MN1: variants seen among roughly 807,000 people sequenced by gnomAD.
MN1 encodes transcriptional activator MN1.
MN1 carries 19 observed loss-of-function variants against 86.9 expected under a neutral mutation model. That is an observed-to-expected ratio of 0.22 (90% CI 0.15 to 0.32). The LOEUF (loss-of-function observed/expected upper bound fraction) is 0.32. MN1 is among the 10% of genes least tolerant of loss of function. The pLI is 1.00. For synonymous variants in MN1, 928 were observed against 849.6 expected, an observed-to-expected ratio of 1.09 and a Z score of -1.60; for missense variants, 1,841 against 1,862.0, an observed-to-expected ratio of 0.99 and a Z score of 0.21.
In MN1 at chr22:27,750,868, CAG is replaced by C. The variant is rs1761594669; in HGVS notation, c.*45_*46del. 6.7e-7 allele frequency: 1 copy of C among 1,487,616 alleles called. No individual in the cohort carries two copies. Among genetic ancestry groups the C allele is most frequent in the Non-Finnish European group, 9.1e-7 (1 of 1,099,390 alleles). 92.2% of individuals were successfully genotyped at this position (1,487,616 alleles called of 1,614,324 possible). A position where few individuals can be genotyped will look rare whatever the true frequency, so the allele number is the denominator to read the frequency against. ...TAAGGTTGAGGGGGAAGGAAACAGACAGGGGGAGAGGAAGGGCCTGGTAGAGG... is the reference window on the plus strand; with the variant it reads ...TAAGGTTGAGGGGGAAGGAAACAGACGGGGAGAGGAAGGGCCTGGTAGAGG... On this transcript the variant is annotated 3_prime_UTR_variant, in exon 2 of 2. Transcript: ENST00000302326.
At chr22:27,758,475 G>T (rs1932815025) in intron 1 of MN1, among the ~76,000 whole-genome samples, 2 of 152,212 alleles carry the variant, frequency 1.3e-5, no homozygotes, top group South Asian at 4.1e-4. Flanking sequence ...GCTAGCTGCA[G>T]GCTTGCTGGC....
intron 1 of MN1, among the ~76,000 whole-genome samples, chr22:27,788,655 ATGAC>A (rs1233145753): frequency 1.3e-5 from 2 of 151,648 alleles, no homozygotes; most frequent in African/African-American, 2.4e-5. Context: ...CCTTCCCTGA[ATGAC>A]TGGATGAGCA....
chr22:27,775,767 T>G (rs1256834312), intron 1 of MN1, among the ~76,000 whole-genome samples: 6 of 152,178 alleles, frequency 3.9e-5, no homozygotes, highest in Admixed American at 3.9e-4. Flanking sequence ...GGGAAAGAAG[T>G]GCCCAGTATC....
Position 27,757,802 on chromosome 22 carries a change from C to T in MN1, c.3782-6706G>A, listed in dbSNP as rs144528998. 3.9e-5 allele frequency among the ~76,000 whole-genome samples: 6 copies of T among 152,074 alleles called. No individual in the cohort carries two copies. The East Asian group carries it at 1.2e-3, about 30-fold the overall frequency. ...AGGCCCCCCACACACTTATCTGTGA[C>T]CCCCAGACCTTGGTAGCTTTTCTGT... On this transcript the variant is annotated intron_variant, in intron 1 of 1. Coordinates refer to ENST00000302326, the MANE Select transcript of MN1 (RefSeq NM_002430.3).
intron 1 of MN1, among the ~76,000 whole-genome samples, chr22:27,788,323 T>C (rs948274678): frequency 6.6e-6 from 1 of 152,078 alleles, no homozygotes; most frequent in Non-Finnish European, 1.5e-5. Context: ...CACATCAGGA[T>C]CGGGGCCCTA....
chr22:27,779,304 G>A (rs938136514), intron 1 of MN1, among the ~76,000 whole-genome samples: 1 of 152,152 alleles, frequency 6.6e-6, no homozygotes, highest in African/African-American at 2.4e-5. Flanking sequence ...CCAGAATTGA[G>A]CCACTGGATA....
chr22:27,786,837 C>T (rs976930234), intron 1 of MN1, among the ~76,000 whole-genome samples: 32 of 143,016 alleles, frequency 2.2e-4, no homozygotes, highest in Non-Finnish European at 4.0e-4. Flanking sequence ...CATTAATGCC[C>T]GTGCGCACAC....
At chr22:27,785,056 C>CCACACA (rs57257445) in intron 1 of MN1, among the ~76,000 whole-genome samples, 6,202 of 144,834 alleles carry the variant, frequency 0.043, 147 homozygotes, top group East Asian at 0.092. Context: ...CTGGCATCCG[C>CCACACA]CACACACACA....
Position 27,749,939 on chromosome 22 carries a change from GC to G in MN1, c.*975del. 1 of 231,670 alleles carries G rather than the reference GC, an allele frequency of 4.3e-6. No individual in the cohort carries two copies. Among genetic ancestry groups the G allele is most frequent in the Non-Finnish European group, 8.5e-6 (1 of 117,080 alleles). 14.4% of individuals were successfully genotyped at this position (231,670 alleles called of 1,614,324 possible). A position where few individuals can be genotyped will look rare whatever the true frequency, so the allele number is the denominator to read the frequency against. ...CAGAAAAGGGAAAGGGCTGAGAACA[GC>G]CTCCTCCAACTCCAGCACCCAAGGC... is the stretch of plus-strand genomic sequence containing the variant. On this transcript the variant is annotated 3_prime_UTR_variant, in exon 2 of 2. Transcript: ENST00000302326.
chr22:27,783,556 G>A (rs905144524), intron 1 of MN1, among the ~76,000 whole-genome samples: 1 of 152,180 alleles, frequency 6.6e-6, no homozygotes. Context: ...GGGGCAGGAA[G>A]GGAAGCCCAA....
intron 1 of MN1, among the ~76,000 whole-genome samples, chr22:27,769,285 T>A (rs1165159463): frequency 6.6e-6 from 1 of 152,152 alleles, no homozygotes; most frequent in African/African-American, 2.4e-5. Context: ...TGATATTGAA[T>A]CTGTAATCTG....
intron 1 of MN1, among the ~76,000 whole-genome samples, chr22:27,794,918 T>TAGGCC (rs375849738): frequency 8.6e-5 from 13 of 150,604 alleles, no homozygotes; most frequent in East Asian, 6.0e-4. Flanking sequence ...GAGGGGCGGC[T>TAGGCC]AGGCCAGGCC....
At chr22:27,771,013 A>G (rs932226648) in intron 1 of MN1, among the ~76,000 whole-genome samples, 1 of 152,042 alleles carries the variant, frequency 6.6e-6, no homozygotes, top group Non-Finnish European at 1.5e-5. Flanking sequence ...AGTCCAGAAA[A>G]TAATAATAGT....
chr22:27,771,521 T>C (rs1194149167), intron 1 of MN1, among the ~76,000 whole-genome samples: 1 of 152,112 alleles, frequency 6.6e-6, no homozygotes, highest in African/African-American at 2.4e-5. Context: ...GCCGCCACCC[T>C]GGCCTTTTTT....
chr22:27,798,120 GC>G lies in MN1; in HGVS notation c.2423del (p.Gly808AlafsTer28). ...CCTTGGAGCTGGGCTTGTTGAAGGA[GC>G]CCAGCGAGAGCGCGCCCAATTTACT... ...SASKLGALSL[G>X]SFNKPSSKDN... On this transcript the variant is annotated frameshift_variant, in exon 1 of 2. Transcript: ENST00000302326. LOFTEE classifies it high-confidence loss of function. The G allele has an allele frequency of 6.2e-7, 1 of 1,608,886 alleles. No homozygotes were observed.
chr22:27,752,421 G>A (rs546504479), intron 1 of MN1, among the ~76,000 whole-genome samples: 2 of 152,114 alleles, frequency 1.3e-5, no homozygotes, highest in African/African-American at 4.8e-5. Context: ...CTGGGGTGGG[G>A]GAGTCTATTC....
In MN1 at chr22:27,800,115, C is replaced by A. The variant is rs1232584644; in HGVS notation, c.429G>T (p.Leu143=). The A allele has an allele frequency of 3.2e-6, 5 of 1,576,926 alleles. No homozygotes were observed. The highest frequency in any genetic ancestry group is 1.4e-5 in the African/African-American group (1 of 74,010). Reference sequence around the variant, plus strand: ...CCTCGGCGAAGGGCGGCTGGCTGCCCAGGCCTCCGGCTGCGCCGCCGTAGC... The same window carrying A: ...CCTCGGCGAAGGGCGGCTGGCTGCCAAGGCCTCCGGCTGCGCCGCCGTAGC... ...LLGYGGAAGG[L]GSQPPFAEGY... The change falls in exon 1 of 2, where the codon CTG becomes CTT. Residue 143 remains leucine (L), a synonymous_variant. Coordinates refer to ENST00000302326, the MANE Select transcript of MN1 (RefSeq NM_002430.3).
At position 27,797,174 on chromosome 22, in the gene MN1, G is replaced by A; in HGVS notation, c.3370C>T (p.Pro1124Ser). The change falls in exon 1 of 2, where the codon CCG becomes TCG. Residue 1124 changes from proline (P) to serine (S), a missense_variant. By Grantham distance (74) the Pro-to-Ser change is moderately conservative (BLOSUM62 -1). Transcript: ENST00000302326. ...TPDSYGGGGG[P>S]GHPGTPGLEQ... ...AGGCCCGGAGTGCCCGGATGGCCCG[G>A]GCCCCCACCGCCGCCGTAGCTGTCA... is the stretch of plus-strand genomic sequence containing the variant. 1 of 1,559,064 alleles carries A rather than the reference G, an allele frequency of 6.4e-7. No homozygotes were observed. Among genetic ancestry groups the A allele is most frequent in the Non-Finnish European group, 8.7e-7 (1 of 1,156,000 alleles).
intron 1 of MN1, among the ~76,000 whole-genome samples, chr22:27,777,685 C>T (rs1362387203): frequency 6.8e-6 from 1 of 146,196 alleles, no homozygotes; most frequent in East Asian, 2.0e-4. Flanking sequence ...ATGGTGAAAC[C>T]GTGTCTCTAC....
Sources: allele counts gnomAD v4.1 joint callset (sites outside exome capture counted in the v4.1 genomes callset), GRCh38; gene constraint gnomAD v4.1.1; transcripts MANE v1.5; gene names NCBI Gene and HGNC (gene_info 2026-07-23, HGNC 2026-07-21).